Variants in DLG1 observed in about 807,000 individuals in gnomAD.
DLG1 encodes the protein disks large homolog 1.
Under a neutral mutation model 123.4 loss-of-function variants are expected in DLG1, and 42 were observed. That is an observed-to-expected ratio of 0.34 (90% CI 0.27 to 0.44). DLG1 has a LOEUF of 0.44. DLG1 is among the 20% of genes least tolerant of loss of function. DLG1 has a pLI of 1.00. For missense variants in DLG1, 942 were observed against 1,082.6 expected, an observed-to-expected ratio of 0.87 and a Z score of 1.82; for synonymous variants, 317 against 356.2, an observed-to-expected ratio of 0.89 and a Z score of 1.24.
chr3:197,213,298 T>TA (rs749647088), intron 4 of DLG1, among the ~76,000 whole-genome samples: 2 of 152,128 alleles, frequency 1.3e-5, no homozygotes, highest in Non-Finnish European at 2.9e-5. Context: ...AGCTTTTTTT[T>TA]AAAAAGACAC....
At chr3:197,256,308 C>T (rs929730013) in intron 4 of DLG1, among the ~76,000 whole-genome samples, 3 of 152,262 alleles carry the variant, frequency 2.0e-5, no homozygotes, top group East Asian at 1.9e-4. Context: ...AGCAGCCATA[C>T]AAGGTAAGTA....
chr3:197,043,785 T>A lies in DLG1; in HGVS notation c.*838A>T, dbSNP rs941132588. ...ATTGGACTCCTTTCCATTGCCATGA[T>A]GGTTACTACGTCACCACTGTAACGT... On this transcript the variant is annotated 3_prime_UTR_variant, in exon 25 of 25. Coordinates refer to ENST00000667157, the MANE Select transcript of DLG1 (RefSeq NM_001366207.1). The A allele has an allele frequency of 9.9e-5, 15 of 152,124 alleles. No individual in the cohort carries two copies. The highest frequency in any genetic ancestry group is 3.6e-4 in the African/African-American group (15 of 41,454). The allele number at this position is 152,124 out of a possible 1,614,324, so 9.4% of individuals were successfully genotyped here.
At chr3:197,242,854 A>T (rs1360610773) in intron 4 of DLG1, among the ~76,000 whole-genome samples, 1 of 152,190 alleles carries the variant, frequency 6.6e-6, no homozygotes, top group East Asian at 1.9e-4. Context: ...CTGTAATCTC[A>T]GCACTTTGGG....
At chr3:197,225,149 G>A (rs754058493) in intron 4 of DLG1, among the ~76,000 whole-genome samples, 1 of 152,126 alleles carries the variant, frequency 6.6e-6, no homozygotes, top group Non-Finnish European at 1.5e-5. Flanking sequence ...TAGTAGAGAC[G>A]GGGTTTCACC....
At chr3:197,282,122 T>C (rs1440739007) in intron 4 of DLG1, among the ~76,000 whole-genome samples, 2 of 152,190 alleles carry the variant, frequency 1.3e-5, no homozygotes, top group Non-Finnish European at 2.9e-5. Context: ...GGCAACAGTA[T>C]AACACACACA....
At chr3:197,192,087 T>A (rs1719903423) in intron 5 of DLG1, among the ~76,000 whole-genome samples, 1 of 151,800 alleles carries the variant, frequency 6.6e-6, no homozygotes, top group Admixed American at 6.6e-5. Flanking sequence ...GCTGGGAGGA[T>A]CACTTGAGCC....
intron 12 of DLG1, among the ~76,000 whole-genome samples, chr3:197,117,971 ATTTTT>A (rs558203501): frequency 1.3e-5 from 2 of 148,664 alleles, no homozygotes; most frequent in Non-Finnish European, 3.0e-5. Context: ...GTATGTTGTG[ATTTTT>A]TTTTTTACTT....
At chr3:197,091,898 A>C (rs1402557514) in intron 14 of DLG1, among the ~76,000 whole-genome samples, 1 of 152,156 alleles carries the variant, frequency 6.6e-6, no homozygotes, top group Non-Finnish European at 1.5e-5. Flanking sequence ...GAGTAAGAGT[A>C]AGCATGATTA....
chr3:197,082,441 C>T (rs1055334751), intron 16 of DLG1, among the ~76,000 whole-genome samples: 12 of 152,078 alleles, frequency 7.9e-5, no homozygotes, highest in Non-Finnish European at 1.3e-4. Context: ...GGCTCCATGA[C>T]CTGAATAATT....
At chr3:197,048,618 C>A (rs148388854) in intron 24 of DLG1, among the ~76,000 whole-genome samples, 1 of 152,248 alleles carries the variant, frequency 6.6e-6, no homozygotes, top group African/African-American at 2.4e-5. Context: ...GTAAAGCCAT[C>A]ACAGAAAATA....
In DLG1 at chr3:197,282,639, A is replaced by G. The variant is rs773061866; in HGVS notation, c.318+40T>C. On this transcript the variant is annotated intron_variant, in intron 4 of 24. Coordinates refer to ENST00000667157, the MANE Select transcript of DLG1 (RefSeq NM_001366207.1). Reference sequence around the variant, plus strand: ...GAAACATAGTAACATAAATAAATTGATCACCAAAAAACAGCTTCAGAACAC... The same window carrying G: ...GAAACATAGTAACATAAATAAATTGGTCACCAAAAAACAGCTTCAGAACAC... 8 of 1,365,786 alleles carry G rather than the reference A, an allele frequency of 5.9e-6. No homozygotes were observed. In the South Asian group the frequency reaches 1.2e-4, roughly 20 times the overall value. 84.6% of individuals were successfully genotyped at this position (1,365,786 alleles called of 1,614,324 possible).
intron 4 of DLG1, among the ~76,000 whole-genome samples, chr3:197,276,306 C>G (rs918044868): frequency 1.3e-5 from 2 of 152,186 alleles, no homozygotes; most frequent in Non-Finnish European, 2.9e-5. Context: ...CAAATACCTT[C>G]AATAATCTGT....
chr3:197,174,790 T>TA (rs34068421), intron 5 of DLG1, among the ~76,000 whole-genome samples: 3 of 151,640 alleles, frequency 2.0e-5, no homozygotes, highest in Non-Finnish European at 2.9e-5. Context: ...ACGTGGCTGT[T>TA]AAAAAAAAAT....
chr3:197,114,945 A>C (rs190690802), intron 13 of DLG1, among the ~76,000 whole-genome samples: 2,333 of 140,216 alleles, frequency 0.017, 29 homozygotes, highest in Non-Finnish European at 0.027. Context: ...GCGCCACTGC[A>C]CTCCATCCAG....
In DLG1 at chr3:197,216,963, T is replaced by C. The variant is rs545145002; in HGVS notation, c.319-22374A>G. Among the ~76,000 whole-genome samples the C allele has an allele frequency of 2.6e-4, 40 of 152,332 alleles. No homozygotes were observed. The South Asian group carries it at 7.9e-3, about 30-fold the overall frequency. ...AGATTAATGACAATGGCGAATTTAA[T>C]TGTAGAAGTAACATCGGAGACAAGT... On this transcript the variant is annotated intron_variant, in intron 4 of 24. Coordinates refer to ENST00000667157, the MANE Select transcript of DLG1 (RefSeq NM_001366207.1).
intron 23 of DLG1, among the ~76,000 whole-genome samples, 189 bp downstream of exon 23, chr3:197,059,697 AATG>A (rs1364957152): frequency 1.0e-4 from 15 of 150,596 alleles, no homozygotes; most frequent in African/African-American, 2.7e-4. Context: ...TAGTAATATT[AATG>A]ATGATGATTA....
Position 197,282,699 on chromosome 3 carries a change from T to C in DLG1, c.298A>G (p.Ser100Gly), listed in dbSNP as rs750875663. 4 of 1,604,102 alleles carry C rather than the reference T, an allele frequency of 2.5e-6. No individual in the cohort carries two copies. The African/African-American group carries it at 5.4e-5, about 22-fold the overall frequency. The change falls in exon 4 of 25, where the codon AGC becomes GGC. Residue 100 changes from serine (S) to glycine (G), a missense_variant. Ser to Gly is a moderately conservative substitution (Grantham distance 56). Coordinates refer to ENST00000667157, the MANE Select transcript of DLG1 (RefSeq NM_001366207.1). Reference protein sequence around the residue: ...STVTSETLPSSLSPSVEKYRY... With the variant: ...STVTSETLPSGLSPSVEKYRY... ...CTCACCTCTACACTAGGGCTAAGGC[T>C]GCTTGGCAGTGTCTCTGAAGTCACA... is the stretch of plus-strand genomic sequence containing the variant.
intron 11 of DLG1, among the ~76,000 whole-genome samples, chr3:197,126,246 T>C (rs1055355966): frequency 6.6e-6 from 1 of 151,946 alleles, no homozygotes; most frequent in Non-Finnish European, 1.5e-5. Context: ...GAGGCCGAAG[T>C]GGGTGGATCA....
intron 18 of DLG1, among the ~76,000 whole-genome samples, chr3:197,075,586 A>T (rs928569639): frequency 3.9e-5 from 6 of 152,160 alleles, no homozygotes; most frequent in Non-Finnish European, 8.8e-5. Flanking sequence ...TGTCGTAAAA[A>T]TTACAAAAAG....
Sources: allele counts gnomAD v4.1 joint callset (sites outside exome capture counted in the v4.1 genomes callset), GRCh38; gene constraint gnomAD v4.1.1; transcripts MANE v1.5; gene names NCBI Gene and HGNC (gene_info 2026-07-23, HGNC 2026-07-21).